PDE11A: variants seen among roughly 807,000 people sequenced by gnomAD.
The protein encoded by PDE11A is phosphodiesterase 11A.
Under a neutral mutation model 100.5 loss-of-function variants are expected in PDE11A, and 100 were observed. The ratio of observed to expected loss-of-function variants is 1.00; its 90% CI spans 0.85 to 1.18. The LOEUF is 1.18. PDE11A is among the 50% of genes most tolerant of loss of function. The pLI, the probability that PDE11A is intolerant of heterozygous loss-of-function variation, is 0.00. For missense variants in PDE11A, 1,141 were observed against 1,152.6 expected, an observed-to-expected ratio of 0.99 and a Z score of 0.15; for synonymous variants, 381 against 420.8, an observed-to-expected ratio of 0.91 and a Z score of 1.16.
chr2:177,700,401 T>C (rs2033762), intron 14 of PDE11A, among the ~76,000 whole-genome samples: 94,481 of 129,668 alleles, frequency 0.73, 32,876 homozygotes, highest in East Asian at 0.85. Context: ...CTTCCTGGCC[T>C]CAAAAAAAAA....
intron 4 of PDE11A, 66 bp from the exon 5 acceptor site, chr2:177,875,989 T>C: frequency 1.1e-6 from 1 of 922,018 alleles, no homozygotes; most frequent in South Asian, 1.3e-5. Context: ...AATAATGTAA[T>C]AAACATTTTC....
intron 10 of PDE11A, among the ~76,000 whole-genome samples, chr2:177,760,610 T>C (rs2082154966): frequency 6.6e-6 from 1 of 152,240 alleles, no homozygotes; most frequent in African/African-American, 2.4e-5. Context: ...ATAGCATTTT[T>C]TAGCTAGAGA....
At chr2:177,659,073 A>G (rs2080434214) in intron 19 of PDE11A, among the ~76,000 whole-genome samples, 1 of 152,072 alleles carries the variant, frequency 6.6e-6, no homozygotes, top group Admixed American at 6.5e-5. Context: ...AGCCTGGCCA[A>G]CATGGTGAAA....
At chr2:178,073,984 A>G (rs1342836233), upstream of PDE11A, among the ~76,000 whole-genome samples, 1 of 152,144 alleles carries the variant, frequency 6.6e-6, no homozygotes, top group African/African-American at 2.4e-5. Flanking sequence ...AATGTCCATC[A>G]GCTGAGGAAC....
intron 19 of PDE11A, among the ~76,000 whole-genome samples, chr2:177,635,071 C>T (rs2080019129): frequency 6.6e-6 from 1 of 152,180 alleles, no homozygotes; most frequent in Admixed American, 6.5e-5. Flanking sequence ...CACACAGCTA[C>T]CGTTGAAACC....
intron 9 of PDE11A, among the ~76,000 whole-genome samples, chr2:177,804,467 A>C (rs2082839556): frequency 1.3e-5 from 2 of 151,958 alleles, no homozygotes; most frequent in Admixed American, 6.6e-5. Flanking sequence ...GGTAATACTT[A>C]TATGCTGTTG....
At chr2:177,970,770 A>T (rs1276906906) in intron 2 of PDE11A, among the ~76,000 whole-genome samples, 1 of 152,192 alleles carries the variant, frequency 6.6e-6, no homozygotes, top group East Asian at 1.9e-4. Flanking sequence ...TGGAGACACC[A>T]CCACTTCAAG....
At chr2:177,822,377 T>C (rs577502354) in intron 6 of PDE11A, among the ~76,000 whole-genome samples, 1 of 151,996 alleles carries the variant, frequency 6.6e-6, no homozygotes, top group African/African-American at 2.4e-5. Context: ...TACTGTGCCA[T>C]CATTTTCATT....
At chr2:177,787,789 G>A (rs1339844214) in intron 9 of PDE11A, among the ~76,000 whole-genome samples, 2 of 152,104 alleles carry the variant, frequency 1.3e-5, no homozygotes, top group Non-Finnish European at 2.9e-5. Context: ...AAGCGACAAA[G>A]AAGGCCATCA....
intron 19 of PDE11A, among the ~76,000 whole-genome samples, chr2:177,649,936 C>A (rs1038882965): frequency 6.6e-6 from 1 of 152,158 alleles, no homozygotes; most frequent in Admixed American, 6.5e-5. Flanking sequence ...TATTAAATCA[C>A]CTGATTGGTT....
At chr2:177,916,927 ATT>A (rs1183483256) in intron 2 of PDE11A, among the ~76,000 whole-genome samples, 2 of 105,312 alleles carry the variant, frequency 1.9e-5, no homozygotes, top group Non-Finnish European at 3.6e-5. Context: ...CGCCCGGCTA[ATT>A]TTTTTTTTTT....
At chr2:177,726,956 T>G (rs1314815026) in intron 12 of PDE11A, among the ~76,000 whole-genome samples, 1 of 152,038 alleles carries the variant, frequency 6.6e-6, no homozygotes, top group African/African-American at 2.4e-5. Context: ...AGTGTAACAA[T>G]GTAGTAGAAA....
At chr2:178,051,088 G>A (rs1177864233) in intron 1 of PDE11A, among the ~76,000 whole-genome samples, 1 of 152,062 alleles carries the variant, frequency 6.6e-6, no homozygotes, top group African/African-American at 2.4e-5. Flanking sequence ...AAGAAAAAAT[G>A]CTAAGGGCAG....
At chr2:177,807,674 C>T (rs991756965) in intron 9 of PDE11A, among the ~76,000 whole-genome samples, 3 of 152,156 alleles carry the variant, frequency 2.0e-5, no homozygotes, top group Non-Finnish European at 2.9e-5. Flanking sequence ...GATCCTCCTG[C>T]CTTGGCCTCC....
chr2:177,899,912 A>T lies in PDE11A; in HGVS notation c.1162-1714T>A, dbSNP rs185571813. 2.4e-3 allele frequency among the ~76,000 whole-genome samples: 368 copies of T among 151,620 alleles called. 2 individuals carry two copies. Among genetic ancestry groups the T allele is most frequent in the Admixed American group, 3.9e-3 (60 of 15,206 alleles). On this transcript the variant is annotated intron_variant, in intron 3 of 19. Coordinates refer to ENST00000286063, the MANE Select transcript of PDE11A (RefSeq NM_016953.4). Reference sequence around the variant, plus strand: ...AAAGAAAACACATTAATTTTTTTTTAAAACAGCAGAATGAAAAGCAGACAA... The same window carrying T: ...AAAGAAAACACATTAATTTTTTTTTTAAACAGCAGAATGAAAAGCAGACAA...
At chr2:177,726,660 GT>G (rs11423127) in intron 12 of PDE11A, among the ~76,000 whole-genome samples, 65 of 142,822 alleles carry the variant, frequency 4.6e-4, no homozygotes, top group African/African-American at 1.2e-3. Context: ...ATGAGGCAGA[GT>G]TTTTTTTTTT....
intron 2 of PDE11A, among the ~76,000 whole-genome samples, chr2:177,996,375 C>T (rs71423535): frequency 0.056 from 8,445 of 151,510 alleles, 295 homozygotes; most frequent in South Asian, 0.092. Context: ...AGATTCAGCC[C>T]CAAAAGGATA....
At chr2:177,811,441 C>T (rs1322737933) in intron 9 of PDE11A, among the ~76,000 whole-genome samples, 4 of 150,608 alleles carry the variant, frequency 2.7e-5, no homozygotes, top group African/African-American at 9.9e-5. Context: ...AATTAAATTA[C>T]AAGAAATTAA....
At chr2:178,006,754 G>A (rs887928977) in intron 2 of PDE11A, among the ~76,000 whole-genome samples, 7 of 151,378 alleles carry the variant, frequency 4.6e-5, no homozygotes, top group East Asian at 1.9e-4. Context: ...AAAAATAAAC[G>A]GCATTATAAA....
Sources: gnomAD v4.1 joint callset for allele counts (sites outside exome capture counted in the v4.1 genomes callset) on GRCh38, gnomAD v4.1.1 for gene constraint, MANE v1.5 for transcripts, NCBI Gene and HGNC (gene_info 2026-07-23, HGNC 2026-07-21) for gene names.